Variants in NR1H3 observed in about 807,000 individuals in gnomAD.
The protein encoded by NR1H3 is oxysterols receptor LXR-alpha.
A neutral mutation model predicts 48.1 loss-of-function variants in NR1H3; 19 were observed. The observed-to-expected ratio is 0.40, with a 90% CI of 0.28 to 0.58. The LOEUF is 0.58. Ranked by LOEUF, NR1H3 falls within the 20% of genes least tolerant of loss-of-function variation. NR1H3 has a pLI of 0.50. For synonymous variants in NR1H3, 232 were observed against 227.3 expected, an observed-to-expected ratio of 1.02 and a Z score of -0.19; for missense variants, 486 against 595.9, an observed-to-expected ratio of 0.82 and a Z score of 1.92.
At position 47,268,967 on chromosome 11, in the gene NR1H3, C is replaced by T. The variant is rs1358967103; in HGVS notation, c.*271C>T. On this transcript the variant is annotated 3_prime_UTR_variant, in exon 10 of 10. Coordinates refer to ENST00000441012, the MANE Select transcript of NR1H3 (RefSeq NM_005693.4). Reference sequence around the variant, plus strand: ...ACTTTGCACAGGGTTCTCCAGAGCCCTGCCCATCCTGCCTCCACCACTTCC... The same window carrying T: ...ACTTTGCACAGGGTTCTCCAGAGCCTTGCCCATCCTGCCTCCACCACTTCC... 2.1e-5 allele frequency: 9 copies of T among 431,112 alleles called. No individual in the cohort carries two copies. The highest frequency in any genetic ancestry group is 3.4e-5 in the Non-Finnish European group (8 of 238,582). The allele number at this position is 431,112 out of a possible 1,614,324, so 26.7% of individuals were successfully genotyped here.
chr11:47,250,452 T>G (rs762158979), intron 1 of NR1H3: 1 of 152,156 alleles, frequency 6.6e-6, no homozygotes, highest in Non-Finnish European at 1.5e-5. Flanking sequence ...TTATCTGTCT[T>G]TATTTTGTCC....
At chr11:47,259,387 G>A (rs536133622) in intron 2 of NR1H3, 128 bp downstream of exon 2, 36 of 1,594,424 alleles carry the variant, frequency 2.3e-5, no homozygotes, top group South Asian at 9.0e-5. Context: ...ATTCTTAGTC[G>A]TGCTTGCCTC....
chr11:47,267,843 C>T, intron 7 of NR1H3, 70 bp from the exon 8 acceptor site: 3 of 1,101,118 alleles, frequency 2.7e-6, no homozygotes, highest in East Asian at 2.4e-5. Context: ...TAATAGTTCC[C>T]TAAGGTGAGG....
In NR1H3 at chr11:47,262,051, G is replaced by C. The variant is rs1565194809; in HGVS notation, c.988+33G>C. On this transcript the variant is annotated intron_variant, in intron 7 of 9. Transcript: ENST00000441012. ...CTGAGATCACACAGGGATTGGGGTTGGGTGGACAGATGCTTCTTTTTTTAT... is the reference window on the plus strand; with the variant it reads ...CTGAGATCACACAGGGATTGGGGTTCGGTGGACAGATGCTTCTTTTTTTAT... The C allele has an allele frequency of 2.7e-6, 4 of 1,471,746 alleles. No homozygotes were observed. In the South Asian group the frequency reaches 3.5e-5, roughly 13 times the overall value. The allele number at this position is 1,471,746 out of a possible 1,614,324, so 91.2% of individuals were successfully genotyped here.
At chr11:47,262,966 CTG>C (rs912897650) in intron 7 of NR1H3, among the ~76,000 whole-genome samples, 1 of 152,172 alleles carries the variant, frequency 6.6e-6, no homozygotes, top group African/African-American at 2.4e-5. Flanking sequence ...CCCCTGTCCT[CTG>C]TTGCTTTAGG....
chr11:47,268,555 A>G lies in NR1H3; in HGVS notation c.1203A>G (p.Arg401=). The G allele has an allele frequency of 6.2e-7, 1 of 1,614,122 alleles. No homozygotes were observed. The highest frequency in any genetic ancestry group is 8.5e-7 in the Non-Finnish European group (1 of 1,180,018). The change falls in exon 10 of 10, where the codon CGA becomes CGG. Residue 401 remains arginine (R), a synonymous_variant. Transcript: ENST00000441012. ...AYVSIHHPHD[R]LMFPRMLMKL... The stretch of plus-strand genomic sequence containing the variant: ...TGTCTCTCTCCTTTCCCCAGGACCG[A>G]CTGATGTTCCCACGGATGCTAATGA...
At chr11:47,266,610 A>G (rs1035546142) in intron 7 of NR1H3, among the ~76,000 whole-genome samples, 2 of 151,056 alleles carry the variant, frequency 1.3e-5, no homozygotes, top group Admixed American at 1.3e-4. Flanking sequence ...CTGGGATTAT[A>G]GGGATAAGCC....
upstream of NR1H3, among the ~76,000 whole-genome samples, chr11:47,256,404 G>T (rs1955179931): frequency 6.6e-6 from 1 of 152,172 alleles, no homozygotes; most frequent in Non-Finnish European, 1.5e-5. Flanking sequence ...GGGAAACAAA[G>T]ATTCAGAGAC....
upstream of NR1H3, among the ~76,000 whole-genome samples, chr11:47,256,238 A>G (rs1048529718): frequency 6.6e-6 from 1 of 150,876 alleles, no homozygotes; most frequent in Non-Finnish European, 1.5e-5. Context: ...ACGGGGTTTC[A>G]CCATGTTGGC....
intron 1 of NR1H3, 28 bp downstream of exon 1, chr11:47,258,157 G>T (rs931999844): frequency 3.0e-6 from 3 of 985,446 alleles, no homozygotes; most frequent in South Asian, 4.7e-5. Flanking sequence ...CAGTGGCCTG[G>T]GGCTCTGTGT....
upstream of NR1H3, chr11:47,257,941 T>C (rs901813698): frequency 1.0e-6 from 1 of 985,222 alleles, no homozygotes; most frequent in Non-Finnish European, 1.2e-6. Context: ...GCCTGACCCC[T>C]CGGCAGTCCC....
upstream of NR1H3, among the ~76,000 whole-genome samples, chr11:47,255,591 T>TTC (rs1491046015): frequency 3.4e-5 from 2 of 59,450 alleles, no homozygotes; most frequent in African/African-American, 1.7e-4. Context: ...CTTTCTTTCT[T>TTC]TCTTTCTCTC....
At chr11:47,253,082 C>G (rs192632883), upstream of NR1H3, among the ~76,000 whole-genome samples, 456 of 148,994 alleles carry the variant, frequency 3.1e-3, 1 homozygote, top group Non-Finnish European at 5.0e-3. Context: ...CCTCAGCCCC[C>G]CAAGTGGCTG....
chr11:47,255,641 CTT>C (rs769921090), upstream of NR1H3, among the ~76,000 whole-genome samples: 16 of 111,500 alleles, frequency 1.4e-4, no homozygotes, highest in African/African-American at 3.4e-4. Flanking sequence ...TTCTTTCTTT[CTT>C]TCTTTCTCTT....
chr11:47,260,510 G>T lies in NR1H3; in HGVS notation c.334G>T (p.Val112Phe), dbSNP rs749306694. The change falls in exon 4 of 10, where the codon GTT (valine) becomes TTT (phenylalanine). Residue 112 changes from valine (V) to phenylalanine (F), a missense_variant. By Grantham distance (50) the Val-to-Phe change is conservative. Transcript: ENST00000441012. ...CAAGGCCTCGGGCTTCCACTACAATGTTCTGAGCTGCGAGGGCTGCAAGGG... is the reference window on the plus strand; with the variant it reads ...CAAGGCCTCGGGCTTCCACTACAATTTTCTGAGCTGCGAGGGCTGCAAGGG... ...GDKASGFHYNVLSCEGCKGFF... is the reference protein window; with the variant it reads ...GDKASGFHYNFLSCEGCKGFF... 2 of 1,614,276 alleles carry T rather than the reference G, an allele frequency of 1.2e-6. No homozygotes were observed. The highest frequency in any genetic ancestry group is 1.7e-5 in the Admixed American group (1 of 60,030).
At chr11:47,254,963 A>G (rs1351893694), upstream of NR1H3, among the ~76,000 whole-genome samples, 1 of 152,082 alleles carries the variant, frequency 6.6e-6, no homozygotes, top group Non-Finnish European at 1.5e-5. Flanking sequence ...TCTATGCTTT[A>G]ATGTGGGGCC....
rs578126954 is a variant in NR1H3, at chr11:47,262,607, C to T, written c.988+589C>T. On this transcript the variant is annotated intron_variant, in intron 7 of 9. Coordinates refer to ENST00000441012, the MANE Select transcript of NR1H3 (RefSeq NM_005693.4). ...TTGGCTCACTACAACCTCCGCCTCC[C>T]GGGTTCAAGCAATTCTCCTGCTTCA... Among the ~76,000 whole-genome samples the T allele has an allele frequency of 4.6e-5, 7 of 152,056 alleles. No homozygotes were observed. In the East Asian group the frequency reaches 5.8e-4, roughly 13 times the overall value.
chr11:47,253,943 C>T (rs777294982), upstream of NR1H3, among the ~76,000 whole-genome samples: 6 of 152,150 alleles, frequency 3.9e-5, no homozygotes, highest in Non-Finnish European at 7.4e-5. Context: ...TCACTGCTTG[C>T]CCTGGCTTGA....
At chr11:47,248,896 C>T, upstream of NR1H3, 2 of 1,546,676 alleles carry the variant, frequency 1.3e-6, no homozygotes, top group Non-Finnish European at 1.7e-6. Context: ...GCGTTCGCCG[C>T]CATCTTACTT....
Sources: gnomAD v4.1 joint callset for allele counts (sites outside exome capture counted in the v4.1 genomes callset) on GRCh38, gnomAD v4.1.1 for gene constraint, MANE v1.5 for transcripts, NCBI Gene and HGNC (gene_info 2026-07-23, HGNC 2026-07-21) for gene names.